PPIG: variants seen among roughly 807,000 people sequenced by gnomAD.
PPIG encodes peptidylprolyl isomerase G.
Under a neutral mutation model 87.9 loss-of-function variants are expected in PPIG, and 26 were observed. The ratio of observed to expected loss-of-function variants is 0.30; its 90% CI spans 0.22 to 0.41. PPIG has a LOEUF of 0.41. Among genes scored for constraint, PPIG ranks in the 10% least tolerant of loss-of-function variants. PPIG has a pLI of 1.00. For missense variants in PPIG, 722 were observed against 879.4 expected (o/e 0.82, Z 2.26); for synonymous variants, 308 against 276.5 (o/e 1.11, Z -1.13).
chr2:169,603,830 T>TGAA (rs536431140), intron 2 of PPIG, 136 bp downstream of exon 2: 134 of 574,602 alleles, frequency 2.3e-4, no homozygotes, highest in Non-Finnish European at 3.8e-4. Flanking sequence ...AAGTCTTTTC[T>TGAA]AATTGCTTCA....
intron 9 of PPIG, among the ~76,000 whole-genome samples, chr2:169,615,771 T>C (rs1405965629): frequency 8.5e-5 from 13 of 152,222 alleles, no homozygotes; most frequent in Non-Finnish European, 1.8e-4. Context: ...GAGTGAGATA[T>C]CTCTTCAACA....
At chr2:169,634,356 C>G (rs926043629) in intron 12 of PPIG, among the ~76,000 whole-genome samples, 1 of 152,168 alleles carries the variant, frequency 6.6e-6, no homozygotes, top group Non-Finnish European at 1.5e-5. Flanking sequence ...GCCACCGTGT[C>G]CACCCATTTA....
chr2:169,634,814 GTC>G (rs1686142883), intron 12 of PPIG, among the ~76,000 whole-genome samples: 1 of 152,050 alleles, frequency 6.6e-6, no homozygotes, highest in Non-Finnish European at 1.5e-5. Context: ...CCATCATATT[GTC>G]TGAGCTGTAA....
chr2:169,606,463 G>A (rs1389466026), intron 5 of PPIG, among the ~76,000 whole-genome samples: 4 of 151,898 alleles, frequency 2.6e-5, no homozygotes, highest in South Asian at 2.1e-4. Context: ...ATGATGGCAC[G>A]TGGCTGTAGT....
intron 9 of PPIG, among the ~76,000 whole-genome samples, chr2:169,629,967 T>C (rs1378926650): frequency 6.6e-6 from 1 of 152,174 alleles, no homozygotes; most frequent in East Asian, 1.9e-4. Context: ...CATGTATATA[T>C]CAATATTGTC....
intron 1 of PPIG, among the ~76,000 whole-genome samples, chr2:169,598,833 ATATT>A (rs199968377): frequency 1.4e-4 from 10 of 72,220 alleles, no homozygotes; most frequent in East Asian, 7.8e-4. Context: ...ATACAGGTAA[ATATT>A]TATATGTATA....
Position 169,639,290 on chromosome 2 carries a change from G to A in PPIG, c.*1767G>A, listed in dbSNP as rs1399574157. The A allele has an allele frequency of 2.6e-5, 4 of 152,096 alleles. No homozygotes were observed. The highest frequency in any genetic ancestry group is 2.1e-4 in the South Asian group (1 of 4,822). The allele number at this position is 152,096 out of a possible 1,614,324, so 9.4% of individuals were successfully genotyped here. Reference sequence around the variant, plus strand: ...AGTCTGAGTGCCCAAGCTATATAACGTTATGTAGTTTAAGCAAGTTATTGT... The same window carrying A: ...AGTCTGAGTGCCCAAGCTATATAACATTATGTAGTTTAAGCAAGTTATTGT... On this transcript the variant is annotated 3_prime_UTR_variant, in exon 14 of 14. Coordinates refer to ENST00000260970, the MANE Select transcript of PPIG (RefSeq NM_004792.3).
At chr2:169,628,061 C>T (rs1685940149) in intron 9 of PPIG, among the ~76,000 whole-genome samples, 1 of 151,988 alleles carries the variant, frequency 6.6e-6, no homozygotes, top group African/African-American at 2.4e-5. Context: ...TTTTCATACC[C>T]ACTCTGTCTC....
intron 9 of PPIG, among the ~76,000 whole-genome samples, chr2:169,629,142 G>A (rs1031083172): frequency 6.6e-6 from 1 of 151,916 alleles, no homozygotes; most frequent in African/African-American, 2.4e-5. Flanking sequence ...TTTTATTGTG[G>A]AACATACTAA....
At chr2:169,607,297 A>C (rs2105491290) in intron 6 of PPIG, 149 bp downstream of exon 6, 1 of 509,356 alleles carries the variant, frequency 2.0e-6, no homozygotes, top group South Asian at 3.5e-5. Flanking sequence ...CTGGTAAAAA[A>C]AATTGCTTTT....
chr2:169,622,793 A>T (rs1303997600), intron 9 of PPIG, among the ~76,000 whole-genome samples: 2 of 152,194 alleles, frequency 1.3e-5, no homozygotes, highest in Non-Finnish European at 2.9e-5. Flanking sequence ...CATGCATCTT[A>T]CATATAAGCA....
chr2:169,602,792 G>T (rs1018959967), intron 1 of PPIG, among the ~76,000 whole-genome samples: 2 of 152,144 alleles, frequency 1.3e-5, no homozygotes, highest in African/African-American at 4.8e-5. Flanking sequence ...TGTTTTAAAA[G>T]AATCATTCCA....
chr2:169,605,071 C>T (rs1022217524), intron 4 of PPIG, among the ~76,000 whole-genome samples: 12 of 152,056 alleles, frequency 7.9e-5, no homozygotes, highest in Admixed American at 5.9e-4. Context: ...TGGTGGCTCA[C>T]GCCTGTAACC....
chr2:169,603,952 AT>A (rs879016703), intron 2 of PPIG, 73 bp from the exon 3 acceptor site: 18 of 1,160,478 alleles, frequency 1.6e-5, no homozygotes, highest in East Asian at 4.8e-5. Context: ...GTTTCACAGA[AT>A]TTTTTTTCCA....
chr2:169,594,199 T>C (rs1011176415), intron 1 of PPIG, among the ~76,000 whole-genome samples: 8 of 152,154 alleles, frequency 5.3e-5, no homozygotes, highest in Non-Finnish European at 1.0e-4. Flanking sequence ...TAAACACTTA[T>C]GAATTTCTCA....
chr2:169,617,888 A>G (rs149384101), intron 9 of PPIG, among the ~76,000 whole-genome samples: 59 of 152,282 alleles, frequency 3.9e-4, no homozygotes, highest in African/African-American at 1.3e-3. Context: ...TTTCAATACT[A>G]TGTTGAATAG....
chr2:169,589,670 G>GT (rs1372798817), intron 1 of PPIG, among the ~76,000 whole-genome samples: 3 of 151,808 alleles, frequency 2.0e-5, no homozygotes, highest in Non-Finnish European at 2.9e-5. Flanking sequence ...GGGGGGGGTT[G>GT]TTTTTTTGGG....
intron 4 of PPIG, among the ~76,000 whole-genome samples, chr2:169,605,296 C>G (rs1182179828): frequency 6.6e-6 from 1 of 152,132 alleles, no homozygotes; most frequent in Non-Finnish European, 1.5e-5. Flanking sequence ...CGCACCATTG[C>G]TCTCCAGCCT....
chr2:169,592,398 G>A (rs1389854769), intron 1 of PPIG, among the ~76,000 whole-genome samples: 1 of 140,178 alleles, frequency 7.1e-6, no homozygotes, highest in Non-Finnish European at 1.5e-5. Context: ...TCCGCCTCCC[G>A]GGTTCACGCC....
Sources: gnomAD v4.1 joint callset for allele counts (sites outside exome capture counted in the v4.1 genomes callset) on GRCh38, gnomAD v4.1.1 for gene constraint, MANE v1.5 for transcripts, NCBI Gene and HGNC (gene_info 2026-07-23, HGNC 2026-07-21) for gene names.